Variants in WIPF1 observed in about 807,000 individuals in gnomAD.
WIPF1 encodes WAS/WASL-interacting protein family member 1.
Under a neutral mutation model 35.4 loss-of-function variants are expected in WIPF1, and 13 were observed. The ratio of observed to expected loss-of-function variants is 0.37; its 90% CI spans 0.24 to 0.58. WIPF1 has a LOEUF of 0.58. Ranked by LOEUF, WIPF1 falls within the 20% of genes least tolerant of loss-of-function variation. The pLI is 0.74. For missense variants in WIPF1, 591 were observed against 667.0 expected (o/e 0.89, Z 1.25); for synonymous variants, 267 against 266.3 (o/e 1.00, Z -0.02).
intron 1 of WIPF1, among the ~76,000 whole-genome samples, chr2:174,627,176 ACTT>A (rs1169328054): frequency 1.3e-5 from 2 of 152,144 alleles, no homozygotes; most frequent in African/African-American, 2.4e-5. Context: ...GCCCCGCTAG[ACTT>A]CTTTCTCCAC....
intron 7 of WIPF1, 58 bp from the exon 8 acceptor site, chr2:174,562,660 G>C (rs1227804513): frequency 1.3e-6 from 2 of 1,596,282 alleles, no homozygotes; most frequent in African/African-American, 2.7e-5. Flanking sequence ...TTCTCATCGT[G>C]GAAACTCGGG....
chr2:174,644,676 T>C (rs991653853), intron 1 of WIPF1, among the ~76,000 whole-genome samples: 3 of 152,214 alleles, frequency 2.0e-5, no homozygotes, highest in Admixed American at 6.5e-5. Context: ...AAAGCCATCA[T>C]AACTGAGGAA....
chr2:174,643,001 T>C (rs1043953107), intron 1 of WIPF1, among the ~76,000 whole-genome samples: 2 of 149,556 alleles, frequency 1.3e-5, no homozygotes, highest in Non-Finnish European at 2.9e-5. Context: ...AAATAGTCCA[T>C]AGTTTTAGTA....
chr2:174,679,612 C>T (rs1688209755), intron 1 of WIPF1, among the ~76,000 whole-genome samples: 1 of 152,162 alleles, frequency 6.6e-6, no homozygotes, highest in Non-Finnish European at 1.5e-5. Flanking sequence ...ATTCCTGGGC[C>T]TTACCACAGA....
chr2:174,627,588 TGGA>T (rs1444583987), intron 1 of WIPF1, among the ~76,000 whole-genome samples: 1 of 149,932 alleles, frequency 6.7e-6, no homozygotes, highest in Non-Finnish European at 1.5e-5. Flanking sequence ...TTACCCAGGC[TGGA>T]GTGCAGTGGT....
chr2:174,605,901 A>C (rs1404899971), intron 1 of WIPF1, among the ~76,000 whole-genome samples: 1 of 152,198 alleles, frequency 6.6e-6, no homozygotes, highest in East Asian at 1.9e-4. Flanking sequence ...AGAGGCTGTT[A>C]AAGAGGTTTG....
chr2:174,654,365 T>C (rs1687600782), intron 1 of WIPF1, among the ~76,000 whole-genome samples: 1 of 152,206 alleles, frequency 6.6e-6, no homozygotes, highest in African/African-American at 2.4e-5. Flanking sequence ...TTTCTTCCAC[T>C]AAAAACTAGA....
In WIPF1 at chr2:174,562,437, C is replaced by T; in HGVS notation, c.*110G>A. 6.4e-7 allele frequency: 1 copy of T among 1,573,798 alleles called. No individual in the cohort carries two copies. Among genetic ancestry groups the T allele is most frequent in the Non-Finnish European group, 8.6e-7 (1 of 1,158,084 alleles). ...TATTCCCACTCCCCCTCCCACCTTT[C>T]CTCCTGCCCATACATGAGGCACAAG... On this transcript the variant is annotated 3_prime_UTR_variant, in exon 8 of 8. Coordinates refer to ENST00000679041, the MANE Select transcript of WIPF1 (RefSeq NM_001375834.1).
intron 1 of WIPF1, among the ~76,000 whole-genome samples, chr2:174,623,111 TA>T (rs1375079842): frequency 6.6e-6 from 1 of 152,166 alleles, no homozygotes; most frequent in Non-Finnish European, 1.5e-5. Flanking sequence ...GCTAGTCTAA[TA>T]ATTACTATAA....
chr2:174,583,947 G>A (rs1685319638), intron 2 of WIPF1, among the ~76,000 whole-genome samples: 1 of 152,124 alleles, frequency 6.6e-6, no homozygotes, highest in African/African-American at 2.4e-5. Context: ...TGCCTCCAGA[G>A]TAGCTGGGAC....
chr2:174,681,519 G>A (rs929870881), intron 1 of WIPF1, among the ~76,000 whole-genome samples: 1 of 152,200 alleles, frequency 6.6e-6, no homozygotes, highest in Admixed American at 6.5e-5. Flanking sequence ...AAGCATTTTT[G>A]AAGATGGAAA....
intron 1 of WIPF1, chr2:174,682,767 C>T (rs1688283025): frequency 6.6e-6 from 1 of 151,634 alleles, no homozygotes; most frequent in African/African-American, 2.4e-5. Context: ...GGCGACGCGT[C>T]CCTTACCGCG....
intron 6 of WIPF1, 119 bp from the exon 7 acceptor site, chr2:174,567,302 C>T: frequency 4.3e-6 from 4 of 928,848 alleles, no homozygotes; most frequent in Non-Finnish European, 1.6e-6. Flanking sequence ...AGTTTTTATG[C>T]CTAGAAGTTT....
chr2:174,624,801 T>C (rs1436408587), intron 1 of WIPF1, among the ~76,000 whole-genome samples: 4 of 152,162 alleles, frequency 2.6e-5, no homozygotes, highest in African/African-American at 9.7e-5. Flanking sequence ...AGGCATCTCA[T>C]TATTTTAATA....
intron 1 of WIPF1, among the ~76,000 whole-genome samples, chr2:174,587,047 C>T (rs1479022076): frequency 1.3e-5 from 2 of 152,114 alleles, no homozygotes; most frequent in Non-Finnish European, 1.5e-5. Context: ...TGCTCTGTCA[C>T]ACAGGCTGGA....
At chr2:174,650,750 A>G (rs1687518776) in intron 1 of WIPF1, among the ~76,000 whole-genome samples, 1 of 152,254 alleles carries the variant, frequency 6.6e-6, no homozygotes. Context: ...TCCCTATGCT[A>G]GGGACCCTTG....
intron 1 of WIPF1, chr2:174,676,195 A>T (rs1303078093): frequency 6.6e-6 from 1 of 151,032 alleles, no homozygotes; most frequent in Non-Finnish European, 1.5e-5. Flanking sequence ...TCCTGGGCTC[A>T]GCCATAGCAC....
intron 1 of WIPF1, among the ~76,000 whole-genome samples, chr2:174,620,749 G>C (rs1436532541): frequency 6.6e-6 from 1 of 152,186 alleles, no homozygotes; most frequent in Non-Finnish European, 1.5e-5. Context: ...AGTGTGACTG[G>C]GCAGTAACGG....
At chr2:174,567,730 G>T in intron 6 of WIPF1, 131 bp downstream of exon 6, 1 of 987,984 alleles carries the variant, frequency 1.0e-6, no homozygotes, top group Non-Finnish European at 1.4e-6. Context: ...TGGTTAGATA[G>T]TTAGATCAGT....
Sources: gnomAD v4.1 joint callset for allele counts (sites outside exome capture counted in the v4.1 genomes callset) on GRCh38, gnomAD v4.1.1 for gene constraint, MANE v1.5 for transcripts, NCBI Gene and HGNC (gene_info 2026-07-23, HGNC 2026-07-21) for gene names.